Variants in LRMDA observed in about 807,000 individuals in gnomAD.
LRMDA encodes the protein leucine-rich melanocyte differentiation-associated protein.
Under a neutral mutation model 29.8 loss-of-function variants are expected in LRMDA, and 18 were observed. That is an observed-to-expected ratio of 0.60 (90% CI 0.42 to 0.90). The LOEUF (loss-of-function observed/expected upper bound fraction) is 0.90, where lower values mean the gene tolerates loss of function less well. Ranked by LOEUF, LRMDA falls within the 40% of genes least tolerant of loss-of-function variation. The probability of loss-of-function intolerance (pLI) is 0.00; values close to 1 mark genes in which losing one functional copy is unlikely to be tolerated. For synonymous variants in LRMDA, 125 were observed against 109.4 expected, an observed-to-expected ratio of 1.14 and a Z score of -0.89; for missense variants, 273 against 273.9, an observed-to-expected ratio of 1.00 and a Z score of 0.02.
At chr10:76,134,217 G>A (rs1454016727) in intron 5 of LRMDA, among the ~76,000 whole-genome samples, 3 of 152,232 alleles carry the variant, frequency 2.0e-5, no homozygotes, top group South Asian at 2.1e-4. Context: ...ATTTCGGGGG[G>A]AGCTGCCCAG....
intron 2 of LRMDA, among the ~76,000 whole-genome samples, chr10:75,717,761 C>T (rs1210005810): frequency 1.3e-5 from 2 of 152,122 alleles, no homozygotes; most frequent in Non-Finnish European, 2.9e-5. Flanking sequence ...GTAGAGTGTT[C>T]ATGGAAATTG....
intron 2 of LRMDA, among the ~76,000 whole-genome samples, chr10:75,842,702 C>T (rs1476445610): frequency 6.6e-6 from 1 of 152,014 alleles, no homozygotes; most frequent in Non-Finnish European, 1.5e-5. Flanking sequence ...GCTGGGTCAC[C>T]ATGTCAAATA....
chr10:76,480,830 A>G (rs946561279), intron 6 of LRMDA, among the ~76,000 whole-genome samples: 3 of 151,990 alleles, frequency 2.0e-5, no homozygotes, highest in African/African-American at 4.8e-5. Flanking sequence ...GTTTGACTCT[A>G]TGAATAACCC....
intron 2 of LRMDA, among the ~76,000 whole-genome samples, chr10:75,628,607 G>T (rs1388843311): frequency 6.6e-6 from 1 of 152,216 alleles, no homozygotes; most frequent in South Asian, 2.1e-4. Flanking sequence ...AAACAATTCA[G>T]TCATTTTCAT....
At chr10:76,172,928 G>A (rs1352136614) in intron 5 of LRMDA, among the ~76,000 whole-genome samples, 1 of 151,972 alleles carries the variant, frequency 6.6e-6, no homozygotes, top group African/African-American at 2.4e-5. Flanking sequence ...ACCCAAAATG[G>A]GGAGAAAAAT....
chr10:76,079,911 A>G (rs115872693), intron 5 of LRMDA, among the ~76,000 whole-genome samples: 233 of 152,312 alleles, frequency 1.5e-3, no homozygotes, highest in African/African-American at 5.5e-3. Flanking sequence ...GGTAAACTTC[A>G]TAGCATAGAG....
At position 76,231,692 on chromosome 10, in the gene LRMDA, G is replaced by C. The variant is rs1852062064; in HGVS notation, c.517-92709G>C. Among the ~76,000 whole-genome samples, 4 of 152,282 alleles carry C rather than the reference G, an allele frequency of 2.6e-5. No individual in the cohort carries two copies. The South Asian group carries it at 8.3e-4, about 32-fold the overall frequency. On this transcript the variant is annotated intron_variant, in intron 5 of 6. Transcript: ENST00000611255. ...ATGCAAAGTAATAAAAACCATCTTT[G>C]CTAGTGGAGATATCACCCCTCTAAT... is the stretch of plus-strand genomic sequence containing the variant.
chr10:75,971,606 C>A (rs1157737312), intron 2 of LRMDA, among the ~76,000 whole-genome samples: 1 of 152,192 alleles, frequency 6.6e-6, no homozygotes, highest in Non-Finnish European at 1.5e-5. Context: ...ATTTTACAAG[C>A]AAGGATGGGG....
At chr10:76,072,212 A>G (rs1441014257) in intron 5 of LRMDA, among the ~76,000 whole-genome samples, 4 of 152,148 alleles carry the variant, frequency 2.6e-5, no homozygotes, top group Non-Finnish European at 5.9e-5. Flanking sequence ...AGTCCCCCTG[A>G]GTATATCGAA....
At chr10:76,341,251 T>C (rs1447239387) in intron 6 of LRMDA, among the ~76,000 whole-genome samples, 2 of 152,142 alleles carry the variant, frequency 1.3e-5, no homozygotes, top group African/African-American at 2.4e-5. Flanking sequence ...CTATTACGAA[T>C]AGCTATATAG....
intron 2 of LRMDA, among the ~76,000 whole-genome samples, chr10:75,888,340 A>G (rs1845426595): frequency 6.6e-6 from 1 of 152,146 alleles, no homozygotes; most frequent in African/African-American, 2.4e-5. Flanking sequence ...TTTTTTTGGC[A>G]TTTACACGTT....
chr10:75,711,385 T>C (rs1276013162), intron 2 of LRMDA, among the ~76,000 whole-genome samples: 2 of 152,178 alleles, frequency 1.3e-5, no homozygotes, highest in Non-Finnish European at 2.9e-5. Context: ...TCAAGTCACA[T>C]ACATGAAAAT....
At chr10:76,073,754 G>A (rs957766805) in intron 5 of LRMDA, among the ~76,000 whole-genome samples, 22 of 152,182 alleles carry the variant, frequency 1.4e-4, no homozygotes, top group African/African-American at 4.6e-4. Context: ...GGGAATGTAG[G>A]TCAAAAGGAA....
At chr10:76,162,560 G>A (rs957012087) in intron 5 of LRMDA, among the ~76,000 whole-genome samples, 1 of 152,148 alleles carries the variant, frequency 6.6e-6, no homozygotes, top group African/African-American at 2.4e-5. Context: ...AGTGAAAGGG[G>A]AGCAGGTGGA....
chr10:76,217,774 C>T (rs577749996), intron 5 of LRMDA, among the ~76,000 whole-genome samples: 1 of 152,286 alleles, frequency 6.6e-6, no homozygotes, highest in Admixed American at 6.5e-5. Context: ...CAATAGGAGC[C>T]TCATCTGTTT....
intron 5 of LRMDA, among the ~76,000 whole-genome samples, chr10:76,240,827 CACAT>C (rs1190826106): frequency 4.7e-5 from 1 of 21,366 alleles, no homozygotes; most frequent in Non-Finnish European, 1.0e-4. Flanking sequence ...TATATATATA[CACAT>C]ACATATATAT....
At chr10:75,963,521 G>T (rs539173285) in intron 2 of LRMDA, among the ~76,000 whole-genome samples, 2 of 152,288 alleles carry the variant, frequency 1.3e-5, no homozygotes, top group South Asian at 4.1e-4. Flanking sequence ...AGGGGTCCTT[G>T]TTGTCATGAT....
intron 5 of LRMDA, among the ~76,000 whole-genome samples, chr10:76,238,181 C>T (rs563674779): frequency 6.6e-6 from 1 of 152,250 alleles, no homozygotes. Flanking sequence ...TAAATAGTCC[C>T]CATCCTTGTT....
At chr10:75,981,238 T>C (rs1214915105) in intron 2 of LRMDA, among the ~76,000 whole-genome samples, 1 of 152,224 alleles carries the variant, frequency 6.6e-6, no homozygotes, top group African/African-American at 2.4e-5. Flanking sequence ...TTTAGACATT[T>C]AAGTCCATTT....
Sources: gnomAD v4.1 joint callset for allele counts (sites outside exome capture counted in the v4.1 genomes callset) on GRCh38, gnomAD v4.1.1 for gene constraint, MANE v1.5 for transcripts, NCBI Gene and HGNC (gene_info 2026-07-23, HGNC 2026-07-21) for gene names.